UBE2E2: variants seen among roughly 807,000 people sequenced by gnomAD.
The protein encoded by UBE2E2 is ubiquitin conjugating enzyme E2 E2.
UBE2E2 carries 6 observed loss-of-function variants against 24.7 expected under a neutral mutation model. That is an observed-to-expected ratio of 0.24 (90% confidence interval 0.13 to 0.48). The LOEUF is 0.48. UBE2E2 is among the 20% of genes least tolerant of loss of function. The pLI, the probability that UBE2E2 is intolerant of heterozygous loss-of-function variation, is 0.99. For synonymous variants in UBE2E2, 104 were observed against 83.6 expected (o/e 1.24, Z -1.33); for missense variants, 169 against 245.0 (o/e 0.69, Z 2.07).
intron 3 of UBE2E2, among the ~76,000 whole-genome samples, chr3:23,470,309 A>C (rs568621169): frequency 3.4e-4 from 52 of 152,338 alleles, no homozygotes; most frequent in Admixed American, 3.1e-3. Context: ...TCTGCTCACA[A>C]GAAAGATCCT....
At chr3:23,287,377 T>C (rs990213829) in intron 3 of UBE2E2, among the ~76,000 whole-genome samples, 6 of 152,192 alleles carry the variant, frequency 3.9e-5, no homozygotes, top group Admixed American at 2.0e-4. Context: ...TACTGGCCTG[T>C]AGTTTGCATT....
At chr3:23,570,346 C>A (rs2125511714) in intron 5 of UBE2E2, among the ~76,000 whole-genome samples, 1 of 152,240 alleles carries the variant, frequency 6.6e-6, no homozygotes, top group East Asian at 1.9e-4. Flanking sequence ...GAGTTCACTG[C>A]CCAGTTCCCT....
At chr3:23,317,884 C>G (rs943143668) in intron 3 of UBE2E2, among the ~76,000 whole-genome samples, 2 of 151,872 alleles carry the variant, frequency 1.3e-5, no homozygotes, top group Admixed American at 6.6e-5. Context: ...CCTCTTTCAG[C>G]AATATGAAGT....
chr3:23,519,189 G>A (rs947123672), intron 4 of UBE2E2, among the ~76,000 whole-genome samples: 1 of 151,604 alleles, frequency 6.6e-6, no homozygotes, highest in Admixed American at 6.6e-5. Flanking sequence ...GCAAGAATTA[G>A]CACATTCTCA....
intron 3 of UBE2E2, among the ~76,000 whole-genome samples, chr3:23,390,514 C>A (rs1696909743): frequency 6.6e-6 from 1 of 152,202 alleles, no homozygotes; most frequent in Non-Finnish European, 1.5e-5. Flanking sequence ...ACCTTTCAGA[C>A]CTTCATGTGA....
chr3:23,467,365 G>A (rs1415533122), intron 3 of UBE2E2, among the ~76,000 whole-genome samples: 1 of 152,088 alleles, frequency 6.6e-6, no homozygotes, highest in African/African-American at 2.4e-5. Context: ...TTAATCTGTT[G>A]GTTTTCATTG....
chr3:23,568,084 C>G (rs953937339), intron 5 of UBE2E2, among the ~76,000 whole-genome samples: 4 of 152,196 alleles, frequency 2.6e-5, no homozygotes, highest in Admixed American at 6.5e-5. Flanking sequence ...ACCAGACTCC[C>G]TTGACCACAG....
intron 3 of UBE2E2, among the ~76,000 whole-genome samples, chr3:23,403,281 T>G (rs1248638094): frequency 6.6e-6 from 1 of 152,220 alleles, no homozygotes; most frequent in Admixed American, 6.5e-5. Context: ...ACATGAAAAT[T>G]TCACATCTTC....
At chr3:23,585,370 CAAA>C (rs71620785) in intron 5 of UBE2E2, among the ~76,000 whole-genome samples, 5 of 86,108 alleles carry the variant, frequency 5.8e-5, no homozygotes, top group Admixed American at 1.4e-4. Context: ...GACCCTGTCT[CAAA>C]AAAAAAAAAA....
chr3:23,294,454 T>A (rs1042824916), intron 3 of UBE2E2, among the ~76,000 whole-genome samples: 2 of 152,000 alleles, frequency 1.3e-5, no homozygotes, highest in Admixed American at 1.3e-4. Context: ...ATTACAATCT[T>A]ATTCTACCAG....
At chr3:23,277,321 G>T (rs1019300460) in intron 3 of UBE2E2, among the ~76,000 whole-genome samples, 2 of 152,056 alleles carry the variant, frequency 1.3e-5, no homozygotes, top group South Asian at 2.1e-4. Context: ...TTCAAAGATC[G>T]GCTACTGCCA....
intron 3 of UBE2E2, among the ~76,000 whole-genome samples, chr3:23,436,490 A>G (rs1698187421): frequency 6.6e-6 from 1 of 152,138 alleles, no homozygotes; most frequent in African/African-American, 2.4e-5. Flanking sequence ...CTCATTTAGA[A>G]GACATTTGAA....
chr3:23,367,021 C>A (rs1195312124), intron 3 of UBE2E2, among the ~76,000 whole-genome samples: 2 of 152,078 alleles, frequency 1.3e-5, no homozygotes, highest in Non-Finnish European at 2.9e-5. Context: ...CTCTCTTAGT[C>A]CTTGGCAGAC....
intron 5 of UBE2E2, among the ~76,000 whole-genome samples, chr3:23,549,722 G>A (rs377047662): frequency 5.3e-5 from 8 of 152,098 alleles, no homozygotes; most frequent in South Asian, 4.2e-4. Flanking sequence ...TGATGACCTC[G>A]CCTTTGAGAT....
Position 23,589,855 on chromosome 3 carries a change from G to A in UBE2E2, c.*24G>A, listed in dbSNP as rs375714971. The A allele has an allele frequency of 1.1e-5, 18 of 1,612,712 alleles. No homozygotes were observed. Among genetic ancestry groups the A allele is most frequent in the African/African-American group, 5.3e-5 (4 of 75,034 alleles). On this transcript the variant is annotated 3_prime_UTR_variant, in exon 6 of 6. Coordinates refer to ENST00000396703, the MANE Select transcript of UBE2E2 (RefSeq NM_152653.4). The surrounding 1 kb of genome is among the most constrained non-coding windows in gnomAD (Gnocchi z 4.1). The stretch of plus-strand genomic sequence containing the variant: ...AGGGGCCTGCTGCCTGCCGCCCCGC[G>A]GGACCTGTGCAAGCACATTCACCAA...
At chr3:23,418,878 A>G (rs1383871926) in intron 3 of UBE2E2, among the ~76,000 whole-genome samples, 1 of 151,744 alleles carries the variant, frequency 6.6e-6, no homozygotes, top group Non-Finnish European at 1.5e-5. Flanking sequence ...TGGTTAAAAT[A>G]CCCTTGGCAG....
intron 3 of UBE2E2, among the ~76,000 whole-genome samples, chr3:23,221,427 C>G (rs980379918): frequency 8.5e-5 from 13 of 152,122 alleles, no homozygotes; most frequent in African/African-American, 2.9e-4. Context: ...TAATCCATGC[C>G]TTTTAGCAGT....
At chr3:23,206,149 G>A (rs1001913393) in intron 1 of UBE2E2, among the ~76,000 whole-genome samples, 1 of 152,132 alleles carries the variant, frequency 6.6e-6, no homozygotes, top group African/African-American at 2.4e-5. Context: ...CATTTCTTAA[G>A]GTATTGCTGG....
At chr3:23,582,883 G>C (rs572661078) in intron 5 of UBE2E2, among the ~76,000 whole-genome samples, 1 of 146,680 alleles carries the variant, frequency 6.8e-6, no homozygotes, top group Non-Finnish European at 1.5e-5. Context: ...GTGTGTGTGT[G>C]TGTGTGTGTG....
Sources: allele counts gnomAD v4.1 joint callset (sites outside exome capture counted in the v4.1 genomes callset), GRCh38; gene constraint gnomAD v4.1.1; non-coding constraint Gnocchi (gnomAD v3.1); transcripts MANE v1.5; gene names NCBI Gene and HGNC (gene_info 2026-07-23, HGNC 2026-07-21).